TPO: variants seen among roughly 807,000 people sequenced by gnomAD.
TPO encodes the protein thyroid peroxidase, also known as thyroid microsomal antigen.
TPO carries 78 observed loss-of-function variants against 96.9 expected under a neutral mutation model. The ratio of observed to expected loss-of-function variants is 0.81; its 90% CI spans 0.67 to 0.97. The LOEUF (loss-of-function observed/expected upper bound fraction) is 0.97. TPO is among the 50% of genes least tolerant of loss of function. TPO has a pLI of 0.00. For missense variants in TPO, 1,252 were observed against 1,274.8 expected (o/e 0.98, Z 0.27); for synonymous variants, 547 against 538.0 (o/e 1.02, Z -0.23).
intron 7 of TPO, among the ~76,000 whole-genome samples, chr2:1,468,637 G>A (rs1262497557): frequency 2.0e-5 from 3 of 152,134 alleles, no homozygotes; most frequent in Admixed American, 6.5e-5. Context: ...CAGCTCTTAA[G>A]ATTCTTTTCA....
At chr2:1,453,847 C>T (rs1441787014) in intron 6 of TPO, 24 bp downstream of exon 6, 12 of 1,613,372 alleles carry the variant, frequency 7.4e-6, no homozygotes, top group East Asian at 2.2e-5. Context: ...ACGCTACTAT[C>T]CTGGACTAAG....
At chr2:1,536,926 TCCC>T (rs1248970524) in intron 15 of TPO, among the ~76,000 whole-genome samples, 5 of 63,264 alleles carry the variant, frequency 7.9e-5, no homozygotes, top group African/African-American at 2.1e-4. Context: ...ACCTCCCAAA[TCCC>T]CCCCAATGTG....
At chr2:1,416,956 G>T (rs1181522923) in intron 2 of TPO, among the ~76,000 whole-genome samples, 1 of 152,208 alleles carries the variant, frequency 6.6e-6, no homozygotes, top group Admixed American at 6.5e-5. Flanking sequence ...TAAGCACATG[G>T]TGCTCCGGGG....
chr2:1,473,774 A>G (rs1558327419), intron 7 of TPO, among the ~76,000 whole-genome samples: 1 of 151,378 alleles, frequency 6.6e-6, no homozygotes, highest in East Asian at 1.9e-4. Context: ...TATGAAAGGG[A>G]TTTTTTTTTC....
chr2:1,450,446 A>G (rs1667208062), intron 5 of TPO, among the ~76,000 whole-genome samples: 1 of 152,236 alleles, frequency 6.6e-6, no homozygotes, highest in African/African-American at 2.4e-5. Flanking sequence ...AGTCTCCCTC[A>G]TAAAACTCTC....
At chr2:1,534,101 A>AC (rs1678962040) in intron 15 of TPO, among the ~76,000 whole-genome samples, 1 of 40,488 alleles carries the variant, frequency 2.5e-5, no homozygotes, top group African/African-American at 9.2e-5. Flanking sequence ...CCTCCCCAAA[A>AC]CGCCCCCACT....
intron 15 of TPO, among the ~76,000 whole-genome samples, chr2:1,535,652 C>G (rs1679464805): frequency 1.0e-5 from 1 of 96,410 alleles, no homozygotes; most frequent in African/African-American, 3.8e-5. Context: ...TGTGTGCAAC[C>G]TCCTCAAATC....
At chr2:1,540,842 TC>T in intron 16 of TPO, 119 bp downstream of exon 16, 1 of 1,578,304 alleles carries the variant, frequency 6.3e-7, no homozygotes, top group Non-Finnish European at 8.6e-7. Flanking sequence ...TGTTTCCTAG[TC>T]CGTTCTGCAC....
chr2:1,538,937 G>A (rs947108020), intron 15 of TPO, among the ~76,000 whole-genome samples: 4 of 152,066 alleles, frequency 2.6e-5, no homozygotes, highest in Admixed American at 6.6e-5. Context: ...GACTCCTCAC[G>A]CCAACCTCTC....
chr2:1,418,427 G>C (rs933166736), intron 2 of TPO, among the ~76,000 whole-genome samples: 17 of 152,214 alleles, frequency 1.1e-4, no homozygotes, highest in African/African-American at 3.4e-4. Flanking sequence ...GACTGGGTGG[G>C]TGCAGGAGAG....
intron 1 of TPO, among the ~76,000 whole-genome samples, chr2:1,385,566 C>A (rs1661879212): frequency 6.6e-6 from 1 of 151,586 alleles, no homozygotes; most frequent in Non-Finnish European, 1.5e-5. Flanking sequence ...TCCCCTTTAT[C>A]ATTTTTTATT....
intron 14 of TPO, 22 bp downstream of exon 14, chr2:1,504,101 T>C (rs781210214): frequency 1.9e-6 from 3 of 1,613,632 alleles, no homozygotes; most frequent in African/African-American, 2.7e-5. Context: ...CCCCTCTCTC[T>C]CTGTCCGTCC....
intron 3 of TPO, among the ~76,000 whole-genome samples, chr2:1,428,540 C>T (rs571572773): frequency 2.0e-5 from 3 of 152,294 alleles, no homozygotes; most frequent in African/African-American, 7.2e-5. Flanking sequence ...AGCTCAGTTT[C>T]CCAGACCCCT....
intron 15 of TPO, among the ~76,000 whole-genome samples, chr2:1,525,914 T>TCCCCGTACTGTGTGCAACCTCCTCAAAA (rs1558408563): frequency 8.6e-6 from 1 of 116,626 alleles, no homozygotes; most frequent in Non-Finnish European, 1.7e-5. Context: ...CCTCCTCAAA[T>TCCCCGTACTGTGTGCAACCTCCTCAAAA]CCCCCCACTG....
chr2:1,447,142 C>A (rs1666902971), intron 5 of TPO, among the ~76,000 whole-genome samples: 1 of 152,116 alleles, frequency 6.6e-6, no homozygotes, highest in South Asian at 2.1e-4. Flanking sequence ...GTCAGACGTG[C>A]CTCATGACAC....
intron 15 of TPO, among the ~76,000 whole-genome samples, chr2:1,537,895 C>T (rs1680213147): frequency 8.4e-6 from 1 of 118,422 alleles, no homozygotes; most frequent in African/African-American, 3.2e-5. Context: ...TCCTCAAATC[C>T]CCACCACTCT....
chr2:1,496,213 C>A lies in TPO; in HGVS notation c.2215+16C>A. On this transcript the variant is annotated intron_variant, in intron 12 of 16. Transcript: ENST00000329066. The stretch of plus-strand genomic sequence containing the variant: ...TTTCCTCAAGGTGAAGTTCGGTCTC[C>A]TCTCACACCACGTTACAGCACGTGC... 1.9e-6 allele frequency: 3 copies of A among 1,612,440 alleles called. No individual in the cohort carries two copies. The highest frequency in any genetic ancestry group is 2.5e-6 in the Non-Finnish European group (3 of 1,179,314).
chr2:1,412,042 C>T (rs181805921), upstream of TPO, among the ~76,000 whole-genome samples: 1 of 152,168 alleles, frequency 6.6e-6, no homozygotes, highest in Non-Finnish European at 1.5e-5. Flanking sequence ...CTGTATCCCC[C>T]CTCAGGACTC....
At chr2:1,525,049 CT>C (rs201987898) in intron 15 of TPO, among the ~76,000 whole-genome samples, 19,263 of 70,672 alleles carry the variant, frequency 0.27, 3,976 homozygotes, top group Non-Finnish European at 0.33. Flanking sequence ...CAACCTCCCC[CT>C]ATCCCTCCCA....
Sources: gnomAD v4.1 joint callset for allele counts (sites outside exome capture counted in the v4.1 genomes callset) on GRCh38, gnomAD v4.1.1 for gene constraint, MANE v1.5 for transcripts, NCBI Gene and HGNC (gene_info 2026-07-23, HGNC 2026-07-21) for gene names.